The following CDH1 variants were observed in gnomAD, a reference collection of about 807,000 sequenced individuals.
CDH1 encodes cadherin 1, also known as cadherin-1.
CDH1 carries 35 observed loss-of-function variants against 84.5 expected under a neutral mutation model. The observed-to-expected ratio is 0.41, with a 90% CI of 0.32 to 0.55. The LOEUF (loss-of-function observed/expected upper bound fraction) is 0.55, where lower values mean the gene tolerates loss of function less well. Among genes scored for constraint, CDH1 ranks in the 20% least tolerant of loss-of-function variants. The pLI is 0.19. For synonymous variants in CDH1, 417 were observed against 439.0 expected (o/e 0.95, Z 0.63); for missense variants, 994 against 1,126.6 (o/e 0.88, Z 1.68).
intron 3 of CDH1, 144 bp downstream of exon 3, chr16:68,802,037 C>CT: frequency 2.7e-6 from 2 of 743,712 alleles, no homozygotes; most frequent in Non-Finnish European, 4.7e-6. Flanking sequence ...GGATGTTTAG[C>CT]AAGCATCCCT....
rs1379626654 is a variant in CDH1, at chr16:68,813,428, A to C, written c.1253A>C (p.Asp418Ala). The C allele has an allele frequency of 6.2e-7, 1 of 1,614,216 alleles. No individual in the cohort carries two copies. Among genetic ancestry groups the C allele is most frequent in the Non-Finnish European group, 8.5e-7 (1 of 1,180,034 alleles). ...GAGGCTGTATACACCATATTGAATG[A>C]TGATGGTGGACAATTTGTCGTCACC... ...AWEAVYTILN[D>A]DGGQFVVTTN... Residue 418 changes from aspartate (D) to alanine (A), a missense_variant, in exon 9 of 16, where the codon GAT (aspartate) becomes GCT (alanine). Physicochemically the swap from Asp to Ala is moderately radical, Grantham distance 126. Around this residue, in one of 3 missense-constraint regions of CDH1, gnomAD observed 769 missense variants for 881.8 expected, o/e 0.87. Transcript: ENST00000261769.
rs746446678 is a variant in CDH1, at chr16:68,738,286, C to G, written c.49-11C>G. 9 of 1,528,562 alleles carry G rather than the reference C, an allele frequency of 5.9e-6. No individual in the cohort carries two copies. The highest frequency in any genetic ancestry group is 8.0e-6 in the Non-Finnish European group (9 of 1,126,082). The allele number at this position is 1,528,562 out of a possible 1,614,324, so 94.7% of individuals were successfully genotyped here. The stretch of plus-strand genomic sequence containing the variant: ...AGTCACCCGGTTCCATCTACCTTTC[C>G]CCCACCCCAGGTCTCCTCTTGGCTC... On this transcript the variant is annotated splice_polypyrimidine_tract_variant and intron_variant, in intron 1 of 15. Coordinates refer to ENST00000261769, the MANE Select transcript of CDH1 (RefSeq NM_004360.5).
At chr16:68,767,871 G>C (rs991133257) in intron 2 of CDH1, among the ~76,000 whole-genome samples, 1 of 152,150 alleles carries the variant, frequency 6.6e-6, no homozygotes, top group Admixed American at 6.5e-5. Context: ...GAAGCAGGAG[G>C]ATCACTTGAG....
intron 2 of CDH1, among the ~76,000 whole-genome samples, chr16:68,742,106 C>T (rs956051922): frequency 1.3e-5 from 2 of 152,132 alleles, no homozygotes; most frequent in Admixed American, 1.3e-4. Context: ...TTGACTCAGG[C>T]GCGGAAAAAA....
At chr16:68,813,563 G>A (rs1960904583) in intron 9 of CDH1, 68 bp downstream of exon 9, 2 of 1,481,100 alleles carry the variant, frequency 1.4e-6, no homozygotes, top group Admixed American at 1.7e-5. Context: ...TTGTCCCCTG[G>A]TATCTTCTTA....
chr16:68,737,488 A>G, intron 1 of CDH1, 25 bp downstream of exon 1: 2 of 1,533,588 alleles, frequency 1.3e-6, no homozygotes, highest in Non-Finnish European at 1.7e-6. Context: ...CTGACTTGCG[A>G]GGGACGCATT....
intron 2 of CDH1, among the ~76,000 whole-genome samples, chr16:68,800,786 G>A (rs1188090736): frequency 6.6e-6 from 1 of 152,152 alleles, no homozygotes; most frequent in Non-Finnish European, 1.5e-5. Flanking sequence ...TGCAATAGAT[G>A]TTACATCTTC....
intron 2 of CDH1, among the ~76,000 whole-genome samples, chr16:68,781,733 C>T (rs1452246380): frequency 6.6e-6 from 1 of 152,126 alleles, no homozygotes; most frequent in Non-Finnish European, 1.5e-5. Flanking sequence ...CTTAGCCAAA[C>T]TGCTGGGATT....
intron 2 of CDH1, among the ~76,000 whole-genome samples, chr16:68,748,537 T>C (rs1962807565): frequency 6.6e-6 from 1 of 152,236 alleles, no homozygotes. Context: ...CAGTCCCTGA[T>C]AGATAGACAC....
At chr16:68,763,321 GC>G (rs1429034866) in intron 2 of CDH1, 1 of 152,426 alleles carries the variant, frequency 6.6e-6, no homozygotes, top group African/African-American at 2.4e-5. Flanking sequence ...CCTGGAGAAT[GC>G]CTGGTGGGGG....
intron 8 of CDH1, among the ~76,000 whole-genome samples, 167 bp downstream of exon 8, chr16:68,812,430 T>C (rs1960865321): frequency 6.6e-6 from 1 of 152,266 alleles, no homozygotes; most frequent in African/African-American, 2.4e-5. Flanking sequence ...TGTCTTTTAG[T>C]ATCTTTTTTC....
chr16:68,829,958 T>C (rs1961441419), intron 15 of CDH1, among the ~76,000 whole-genome samples, 161 bp downstream of exon 15: 1 of 123,896 alleles, frequency 8.1e-6, no homozygotes, highest in African/African-American at 4.5e-5. Context: ...TTTTTCTTTT[T>C]CTTTTTTTTT....
intron 3 of CDH1, among the ~76,000 whole-genome samples, chr16:68,806,264 G>A (rs1194287218): frequency 2.0e-5 from 3 of 151,750 alleles, no homozygotes; most frequent in South Asian, 2.1e-4. Flanking sequence ...CAATTCTCAC[G>A]CCTCAGCCTC....
intron 2 of CDH1, among the ~76,000 whole-genome samples, chr16:68,792,504 G>A (rs527546990): frequency 6.6e-6 from 1 of 152,174 alleles, no homozygotes; most frequent in South Asian, 2.1e-4. Context: ...GATTATAGGC[G>A]TGAGCCAGTA....
At chr16:68,825,897 G>A (rs1025689338) in intron 13 of CDH1, among the ~76,000 whole-genome samples, 5 of 145,706 alleles carry the variant, frequency 3.4e-5, no homozygotes, top group Non-Finnish European at 7.4e-5. Flanking sequence ...GGTCACTGCA[G>A]CCTTGACTTC....
chr16:68,759,011 G>A (rs1184151929), intron 2 of CDH1, among the ~76,000 whole-genome samples: 4 of 152,090 alleles, frequency 2.6e-5, no homozygotes, highest in African/African-American at 7.2e-5. Context: ...GGTCAGGCTG[G>A]TCTCAAACTC....
At chr16:68,826,993 G>A (rs896100833) in intron 13 of CDH1, among the ~76,000 whole-genome samples, 14 of 152,252 alleles carry the variant, frequency 9.2e-5, no homozygotes, top group Admixed American at 4.6e-4. Context: ...TGCTTCGGCC[G>A]GGCGTGGTGG....
At chr16:68,802,358 GAATT>G (rs1960539555) in intron 3 of CDH1, among the ~76,000 whole-genome samples, 2 of 152,166 alleles carry the variant, frequency 1.3e-5, no homozygotes, top group Non-Finnish European at 2.9e-5. Flanking sequence ...AGTGAGGATG[GAATT>G]AATTAATACA....
chr16:68,767,095 G>A (rs1018395131), intron 2 of CDH1, among the ~76,000 whole-genome samples: 34 of 151,986 alleles, frequency 2.2e-4, no homozygotes, highest in Non-Finnish European at 4.7e-4. Context: ...TGCTGTGACA[G>A]GGAGATCTGC....
Sources: allele counts gnomAD v4.1 joint callset (sites outside exome capture counted in the v4.1 genomes callset), GRCh38; gene constraint gnomAD v4.1.1; regional missense constraint gnomAD v4.1.1; transcripts MANE v1.5; gene names NCBI Gene and HGNC (gene_info 2026-07-23, HGNC 2026-07-21).